The following STX8 variants were observed in gnomAD, a reference collection of about 807,000 sequenced individuals.
STX8 encodes syntaxin 8, also known as syntaxin-8.
In STX8, 23 loss-of-function variants were observed where a neutral mutation model predicts 37.5. The observed-to-expected ratio is 0.61, with a 90% CI of 0.44 to 0.87. STX8 has a LOEUF of 0.87. Ranked by LOEUF, STX8 falls within the 40% of genes least tolerant of loss-of-function variation. STX8 has a pLI of 0.00. For synonymous variants in STX8, 115 were observed against 99.1 expected, an observed-to-expected ratio of 1.16 and a Z score of -0.95; for missense variants, 313 against 284.7, an observed-to-expected ratio of 1.10 and a Z score of -0.71.
intron 7 of STX8, among the ~76,000 whole-genome samples, chr17:9,304,318 G>A (rs1400676143): frequency 1.3e-5 from 2 of 151,630 alleles, no homozygotes; most frequent in Non-Finnish European, 2.9e-5. Context: ...GAGACCAGCC[G>A]GACCAACATG....
In STX8 at chr17:9,383,989, A is replaced by G. The variant is rs948032456; in HGVS notation, c.542-5336T>C. ...GCCTAAAAAAAGGAGAACTGGCCTG[A>G]CCCATATGGTAGTTCTATCTGTGGT... is the stretch of plus-strand genomic sequence containing the variant. On this transcript the variant is annotated intron_variant, in intron 6 of 7. Transcript: ENST00000306357. Among the ~76,000 whole-genome samples the G allele has an allele frequency of 2.6e-5, 4 of 152,196 alleles. No individual in the cohort carries two copies. The South Asian group carries it at 6.2e-4, about 24-fold the overall frequency.
chr17:9,292,940 A>G (rs1356625261), intron 7 of STX8, among the ~76,000 whole-genome samples: 1 of 152,192 alleles, frequency 6.6e-6, no homozygotes, highest in Admixed American at 6.6e-5. Flanking sequence ...CAACTCTAGG[A>G]AGATTATTTT....
intron 1 of STX8, among the ~76,000 whole-genome samples, chr17:9,572,141 C>T (rs1907712201): frequency 6.6e-6 from 1 of 152,126 alleles, no homozygotes; most frequent in African/African-American, 2.4e-5. Context: ...TAAGGTTTAA[C>T]TGTAATTTTT....
chr17:9,544,659 G>A (rs1452570202), intron 4 of STX8, among the ~76,000 whole-genome samples: 5 of 152,070 alleles, frequency 3.3e-5, no homozygotes. Context: ...ACCCAAGATG[G>A]GATTCAGCTG....
At chr17:9,467,845 C>G (rs775373817) in intron 6 of STX8, among the ~76,000 whole-genome samples, 18 of 152,182 alleles carry the variant, frequency 1.2e-4, no homozygotes, top group Non-Finnish European at 1.9e-4. Context: ...ACAGCAACTA[C>G]CATCTCCCAC....
chr17:9,267,445 T>A (rs767037151), intron 7 of STX8, among the ~76,000 whole-genome samples: 1 of 152,224 alleles, frequency 6.6e-6, no homozygotes, highest in Non-Finnish European at 1.5e-5. Flanking sequence ...CCATGTGTGA[T>A]GGCCTTCAGT....
chr17:9,480,345 C>T (rs973801794), intron 6 of STX8, among the ~76,000 whole-genome samples: 17 of 152,116 alleles, frequency 1.1e-4, no homozygotes, highest in African/African-American at 4.1e-4. Context: ...AGGAAAAATA[C>T]CTTACTATGT....
intron 7 of STX8, among the ~76,000 whole-genome samples, chr17:9,255,729 C>T (rs1906770972): frequency 6.6e-6 from 1 of 151,972 alleles, no homozygotes; most frequent in African/African-American, 2.4e-5. Context: ...TCAGAGCAAA[C>T]AGGGGGAGAC....
Position 9,276,040 on chromosome 17 carries a change from T to A in STX8, c.644-25395A>T, listed in dbSNP as rs1202771723. On this transcript the variant is annotated intron_variant, in intron 7 of 7. Transcript: ENST00000306357. ...GTGCCTACAGCCCCTTCAAATGGGATCTTTTTAGATCAGAGCTCTGGCTGA... is the reference window on the plus strand; with the variant it reads ...GTGCCTACAGCCCCTTCAAATGGGAACTTTTTAGATCAGAGCTCTGGCTGA... 2.6e-5 allele frequency among the ~76,000 whole-genome samples: 4 copies of A among 152,002 alleles called. No individual in the cohort carries two copies. In the South Asian group the frequency reaches 8.3e-4, roughly 32 times the overall value.
At chr17:9,346,984 G>A (rs1910556609) in intron 7 of STX8, among the ~76,000 whole-genome samples, 1 of 152,018 alleles carries the variant, frequency 6.6e-6, no homozygotes, top group South Asian at 2.1e-4. Flanking sequence ...ACAACTAGCT[G>A]GGCGTGGTAG....
At chr17:9,394,384 A>C (rs114429556) in intron 6 of STX8, among the ~76,000 whole-genome samples, 2 of 147,964 alleles carry the variant, frequency 1.4e-5, no homozygotes, top group Admixed American at 1.4e-4. Flanking sequence ...ATTTAAATTC[A>C]TTTTTTTTTT....
At chr17:9,572,845 C>G (rs1907736101) in intron 1 of STX8, among the ~76,000 whole-genome samples, 1 of 152,150 alleles carries the variant, frequency 6.6e-6, no homozygotes, top group South Asian at 2.1e-4. Flanking sequence ...CTTCATCAAA[C>G]TAATGAAGTA....
chr17:9,452,533 G>A (rs1905075330), intron 6 of STX8: 1 of 152,026 alleles, frequency 6.6e-6, no homozygotes, highest in Non-Finnish European at 1.5e-5. Flanking sequence ...CCCAGCTTTG[G>A]GATGGTGCTG....
rs375408336 is a variant in STX8 at position 9,473,144 on chromosome 17, G to A, written c.541+18685C>T. On this transcript the variant is annotated intron_variant, in intron 6 of 7. Coordinates refer to ENST00000306357, the MANE Select transcript of STX8 (RefSeq NM_004853.3). Reference sequence around the variant, plus strand: ...TGCAACCTCTGCCTCAGCATCCTGAGTAGCTGGGACTACAGGTGCCCACCA... The same window carrying A: ...TGCAACCTCTGCCTCAGCATCCTGAATAGCTGGGACTACAGGTGCCCACCA... 4.6e-5 allele frequency among the ~76,000 whole-genome samples: 7 copies of A among 151,926 alleles called. No homozygotes were observed. In the East Asian group the frequency reaches 9.7e-4, roughly 21 times the overall value.
At chr17:9,397,264 C>T (rs965055457) in intron 6 of STX8, among the ~76,000 whole-genome samples, 3 of 152,132 alleles carry the variant, frequency 2.0e-5, no homozygotes, top group African/African-American at 4.8e-5. Context: ...GGCGTGGTGG[C>T]GGGTGCCTGT....
At chr17:9,440,664 G>A (rs1033679559) in intron 6 of STX8, among the ~76,000 whole-genome samples, 4 of 151,816 alleles carry the variant, frequency 2.6e-5, no homozygotes, top group African/African-American at 4.8e-5. Flanking sequence ...AGCTGGGATT[G>A]CAGGCGTGGA....
chr17:9,544,157 C>T (rs550475830), intron 4 of STX8, among the ~76,000 whole-genome samples: 2 of 152,324 alleles, frequency 1.3e-5, no homozygotes, highest in East Asian at 3.9e-4. Context: ...TAGAAACAAG[C>T]TCCTCTCCAC....
At chr17:9,324,124 TCTCACACACA>T (rs1909673220) in intron 7 of STX8, among the ~76,000 whole-genome samples, 3 of 134,170 alleles carry the variant, frequency 2.2e-5, no homozygotes, top group African/African-American at 7.8e-5. Flanking sequence ...TCTCTCTCTC[TCTCACACACA>T]CACACACACA....
intron 6 of STX8, among the ~76,000 whole-genome samples, chr17:9,419,695 C>G (rs1645153258): frequency 6.6e-6 from 1 of 152,142 alleles, no homozygotes; most frequent in Non-Finnish European, 1.5e-5. Context: ...GATGAGGCCC[C>G]AAACTTAACC....
Sources: allele counts gnomAD v4.1 joint callset (sites outside exome capture counted in the v4.1 genomes callset), GRCh38; gene constraint gnomAD v4.1.1; transcripts MANE v1.5; gene names NCBI Gene and HGNC (gene_info 2026-07-23, HGNC 2026-07-21).